The following NXPH1 variants were observed in gnomAD, a reference collection of about 807,000 sequenced individuals.
The protein encoded by NXPH1 is neurexophilin-1.
A neutral mutation model predicts 23.7 loss-of-function variants in NXPH1; 5 were observed. The ratio of observed to expected loss-of-function variants is 0.21; its 90% CI spans 0.11 to 0.44. NXPH1 has a LOEUF of 0.44. Among genes scored for constraint, NXPH1 ranks in the 20% least tolerant of loss-of-function variants. NXPH1 has a pLI of 0.99. For synonymous variants in NXPH1, 144 were observed against 122.2 expected (o/e 1.18, Z -1.18); for missense variants, 324 against 321.6 (o/e 1.01, Z -0.06).
At chr7:8,675,382 C>T (rs1820935928) in intron 2 of NXPH1, among the ~76,000 whole-genome samples, 1 of 151,982 alleles carries the variant, frequency 6.6e-6, no homozygotes, top group South Asian at 2.1e-4. Context: ...TTTTATCAGC[C>T]TCCTTCTATT....
intron 2 of NXPH1, among the ~76,000 whole-genome samples, chr7:8,553,240 G>C (rs891075991): frequency 4.0e-5 from 6 of 151,330 alleles, no homozygotes; most frequent in African/African-American, 1.5e-4. Context: ...GGGCAAACCA[G>C]TTTTGTCTTC....
chr7:8,576,634 T>C (rs1818761470), intron 2 of NXPH1, among the ~76,000 whole-genome samples: 1 of 152,032 alleles, frequency 6.6e-6, no homozygotes, highest in Non-Finnish European at 1.5e-5. Flanking sequence ...GGGAAAGTTA[T>C]ATTGGGACCA....
At chr7:8,477,926 G>A (rs1157603) in intron 2 of NXPH1, among the ~76,000 whole-genome samples, 150,600 of 152,230 alleles carry the variant, frequency 0.99, 74,521 homozygotes, top group East Asian at 1. Context: ...TTTTAAATCT[G>A]GGATTTAAAA....
rs186160959 is a variant in NXPH1, at chr7:8,698,175, T to C, written c.55-52833T>C. 2.0e-3 allele frequency among the ~76,000 whole-genome samples: 304 copies of C among 152,342 alleles called. 2 individuals carry two copies. In the Middle Eastern group the frequency reaches 0.02, roughly 10 times the overall value. ...TCTTACAATGTATGGCTGAGTTCTG[T>C]ACCATGACAAACATTTACACCAATA... On this transcript the variant is annotated intron_variant, in intron 2 of 2. Coordinates refer to ENST00000405863, the MANE Select transcript of NXPH1 (RefSeq NM_152745.3).
chr7:8,473,340 A>G (rs1029677487), intron 2 of NXPH1, among the ~76,000 whole-genome samples: 65 of 152,160 alleles, frequency 4.3e-4, no homozygotes, highest in African/African-American at 1.5e-3. Context: ...TATCCATCAT[A>G]AATGTACAAG....
intron 2 of NXPH1, among the ~76,000 whole-genome samples, chr7:8,602,219 CTTTATA>C (rs1248337593): frequency 6.6e-6 from 1 of 152,102 alleles, no homozygotes; most frequent in Non-Finnish European, 1.5e-5. Flanking sequence ...AGTTATTTCT[CTTTATA>C]TTTAAAATAG....
chr7:8,654,002 A>G (rs911260360), intron 2 of NXPH1, among the ~76,000 whole-genome samples: 1 of 152,174 alleles, frequency 6.6e-6, no homozygotes, highest in African/African-American at 2.4e-5. Context: ...AGAGATAATT[A>G]ATTGGGCTTT....
intron 2 of NXPH1, among the ~76,000 whole-genome samples, chr7:8,736,865 C>T (rs1204964641): frequency 1.3e-5 from 2 of 152,022 alleles, no homozygotes; most frequent in Non-Finnish European, 2.9e-5. Flanking sequence ...ACATTGATCC[C>T]TTTACCATTA....
chr7:8,480,798 C>T (rs1040499274), intron 2 of NXPH1, among the ~76,000 whole-genome samples: 3 of 152,106 alleles, frequency 2.0e-5, no homozygotes, highest in Non-Finnish European at 4.4e-5. Context: ...GGCAAACTTC[C>T]CCCTCCCCAC....
intron 2 of NXPH1, among the ~76,000 whole-genome samples, chr7:8,480,704 T>A (rs1476646742): frequency 6.6e-6 from 1 of 152,162 alleles, no homozygotes; most frequent in Non-Finnish European, 1.5e-5. Context: ...GATCTTTATT[T>A]AATTTATCCA....
chr7:8,519,068 A>T (rs1256880061), intron 2 of NXPH1, among the ~76,000 whole-genome samples: 1 of 152,044 alleles, frequency 6.6e-6, no homozygotes, highest in African/African-American at 2.4e-5. Flanking sequence ...TCAACTTTCC[A>T]TTACCCTTTC....
intron 2 of NXPH1, among the ~76,000 whole-genome samples, chr7:8,675,717 G>T (rs1211641517): frequency 6.6e-6 from 1 of 152,152 alleles, no homozygotes; most frequent in Non-Finnish European, 1.5e-5. Flanking sequence ...ATGAGTATAG[G>T]TTATCCAGGT....
At chr7:8,736,724 T>C (rs1313448568) in intron 2 of NXPH1, among the ~76,000 whole-genome samples, 1 of 152,192 alleles carries the variant, frequency 6.6e-6, no homozygotes, top group Non-Finnish European at 1.5e-5. Context: ...ATATTGACAG[T>C]GGGGTGTTAA....
intron 2 of NXPH1, among the ~76,000 whole-genome samples, chr7:8,714,200 C>T (rs942864208): frequency 2.0e-5 from 3 of 152,116 alleles, no homozygotes; most frequent in African/African-American, 7.2e-5. Context: ...AGAGGAGCCT[C>T]TTCCTGTGTC....
chr7:8,713,651 A>G (rs1369766901), intron 2 of NXPH1, among the ~76,000 whole-genome samples: 2 of 152,212 alleles, frequency 1.3e-5, no homozygotes, highest in East Asian at 3.9e-4. Flanking sequence ...GTTTTTGGTC[A>G]CTGCAGCCAT....
At chr7:8,503,440 A>ATATGCAAGTCCCAC (rs995616746) in intron 2 of NXPH1, among the ~76,000 whole-genome samples, 1 of 151,978 alleles carries the variant, frequency 6.6e-6, no homozygotes, top group African/African-American at 2.4e-5. Flanking sequence ...CTGTGACTTT[A>ATATGCAAGTCCCAC]TATGCAAGTC....
intron 2 of NXPH1, among the ~76,000 whole-genome samples, chr7:8,508,737 G>A (rs1056840768): frequency 6.6e-6 from 1 of 152,024 alleles, no homozygotes; most frequent in Non-Finnish European, 1.5e-5. Context: ...GCTGCAAAGG[G>A]TCTAAGTTCA....
chr7:8,564,724 G>A (rs1443838382), intron 2 of NXPH1, among the ~76,000 whole-genome samples: 2 of 151,804 alleles, frequency 1.3e-5, no homozygotes, highest in African/African-American at 4.8e-5. Flanking sequence ...CTCAATCCAG[G>A]TGAAGTGTGG....
chr7:8,675,505 A>G (rs1446671220), intron 2 of NXPH1, among the ~76,000 whole-genome samples: 1 of 152,112 alleles, frequency 6.6e-6, no homozygotes, highest in Non-Finnish European at 1.5e-5. Context: ...TCATTCGACA[A>G]TCAGTTATTG....
Sources: allele counts gnomAD v4.1 joint callset (sites outside exome capture counted in the v4.1 genomes callset), GRCh38; gene constraint gnomAD v4.1.1; transcripts MANE v1.5; gene names NCBI Gene and HGNC (gene_info 2026-07-23, HGNC 2026-07-21).